Variants in ICA1 observed in about 807,000 individuals in gnomAD.
ICA1 encodes islet cell autoantigen 1.
Under a neutral mutation model 71.0 loss-of-function variants are expected in ICA1, and 40 were observed. The observed-to-expected ratio is 0.56, with a 90% confidence interval of 0.44 to 0.73. The LOEUF is 0.73. ICA1 is among the 30% of genes least tolerant of loss of function. ICA1 has a pLI of 0.00. For missense variants in ICA1, 578 were observed against 576.5 expected, an observed-to-expected ratio of 1.00 and a Z score of -0.03; for synonymous variants, 207 against 209.5, an observed-to-expected ratio of 0.99 and a Z score of 0.10.
chr7:8,113,386 G>C lies in ICA1; in HGVS notation c.*537C>G, dbSNP rs1783774247. The stretch of plus-strand genomic sequence containing the variant: ...TCCTCCACCAGTGTGAGAACACGTG[G>C]CCCACCAGGCACCTGCTGTGGGGAC... On this transcript the variant is annotated 3_prime_UTR_variant, in exon 14 of 14. Transcript: ENST00000402384. The surrounding 1 kb of genome is among the most constrained non-coding windows in gnomAD (Gnocchi z 4.2). The C allele has an allele frequency of 6.5e-6, 1 of 153,156 alleles. No individual in the cohort carries two copies. The highest frequency in any genetic ancestry group is 2.4e-5 in the African/African-American group (1 of 41,436). The allele number at this position is 153,156 out of a possible 1,614,324, so 9.5% of individuals were successfully genotyped here.
chr7:8,234,608 A>G lies in ICA1; in HGVS notation c.17+1302T>C, dbSNP rs772669477. 2.0e-5 allele frequency among the ~76,000 whole-genome samples: 3 copies of G among 152,258 alleles called. No homozygotes were observed. The highest frequency in any genetic ancestry group is 2.9e-5 in the Non-Finnish European group (2 of 68,042). On this transcript the variant is annotated intron_variant, in intron 2 of 13. Coordinates refer to ENST00000402384, the MANE Select transcript of ICA1 (RefSeq NM_001136020.3). This position sits in a 1 kb window ranked among gnomAD's most constrained non-coding sequence, Gnocchi z 4.5. ...TTTACACATTTATTCTTAAAAAGCCAGAAGGCATTTCTGATGACTTCCTTA... is the reference window on the plus strand; with the variant it reads ...TTTACACATTTATTCTTAAAAAGCCGGAAGGCATTTCTGATGACTTCCTTA...
At chr7:8,247,873 CTAAGA>C (rs577806525) in intron 1 of ICA1, among the ~76,000 whole-genome samples, 2 of 152,166 alleles carry the variant, frequency 1.3e-5, no homozygotes, top group African/African-American at 4.8e-5. Context: ...CAGAGTAAAG[CTAAGA>C]TCAGTAGTCA....
intron 9 of ICA1, 185 bp from the exon 10 acceptor site, chr7:8,142,002 A>C (rs1015769697): frequency 1.3e-6 from 2 of 1,494,916 alleles, no homozygotes; most frequent in African/African-American, 2.8e-5. Flanking sequence ...CCCTTTCTGT[A>C]GCATCTTAAT....
At position 8,113,819 on chromosome 7, in the gene ICA1, G is replaced by T; in HGVS notation, c.*104C>A. Reference sequence around the variant, plus strand: ...GTTGACCCTTTCATTTTATTAAAATGGCACATAATTATTAAAACAGCATAC... The same window carrying T: ...GTTGACCCTTTCATTTTATTAAAATTGCACATAATTATTAAAACAGCATAC... On this transcript the variant is annotated 3_prime_UTR_variant, in exon 14 of 14. Coordinates refer to ENST00000402384, the MANE Select transcript of ICA1 (RefSeq NM_001136020.3). The surrounding 1 kb of genome is among the most constrained non-coding windows in gnomAD (Gnocchi z 4.2). 1.7e-6 allele frequency: 2 copies of T among 1,208,384 alleles called. No individual in the cohort carries two copies. Among genetic ancestry groups the T allele is most frequent in the Non-Finnish European group, 2.4e-6 (2 of 829,150 alleles). The allele number at this position is 1,208,384 out of a possible 1,614,324, so 74.9% of individuals were successfully genotyped here.
rs1229333659 is a variant in ICA1, at chr7:8,223,082, T to C, written c.257-1684A>G. Among the ~76,000 whole-genome samples the C allele has an allele frequency of 6.6e-6, 1 of 152,184 alleles. No homozygotes were observed. Among genetic ancestry groups the C allele is most frequent in the East Asian group, 1.9e-4 (1 of 5,200 alleles). ...TCACGCCATGGTTCTATGTAGCTTTTTAAAATTCCTATAATTATAAGAAGG... is the reference window on the plus strand; with the variant it reads ...TCACGCCATGGTTCTATGTAGCTTTCTAAAATTCCTATAATTATAAGAAGG... On this transcript the variant is annotated intron_variant, in intron 4 of 13. Transcript: ENST00000402384. The surrounding 1 kb of genome is among the most constrained non-coding windows in gnomAD (Gnocchi z 4.1).
At chr7:8,219,525 T>C (rs1199343558) in intron 5 of ICA1, among the ~76,000 whole-genome samples, 1 of 152,226 alleles carries the variant, frequency 6.6e-6, no homozygotes, top group Non-Finnish European at 1.5e-5. Flanking sequence ...CCTTTTACTA[T>C]TTCCCCTAGT....
chr7:8,233,277 G>C (rs146619130), intron 2 of ICA1, among the ~76,000 whole-genome samples: 2,150 of 152,320 alleles, frequency 0.014, 15 homozygotes, highest in Middle Eastern at 0.024. Context: ...TGGCAGTTAC[G>C]AGTGGCTAGA....
chr7:8,168,414 A>C (rs796207950), intron 6 of ICA1, among the ~76,000 whole-genome samples: 8 of 152,294 alleles, frequency 5.3e-5, no homozygotes, highest in African/African-American at 1.9e-4. Context: ...CCAGATACTC[A>C]TCTGACAAAT....
chr7:8,220,494 T>A (rs1796711230), intron 5 of ICA1, among the ~76,000 whole-genome samples: 1 of 152,218 alleles, frequency 6.6e-6, no homozygotes, highest in African/African-American at 2.4e-5. Context: ...ACTACCTACA[T>A]TCTGCCTACT....
At position 8,227,627 on chromosome 7, in the gene ICA1, A is replaced by G. The variant is rs757627155; in HGVS notation, c.256+974T>C. The G allele has an allele frequency of 3.5e-5, 12 of 347,310 alleles. 1 individual carries two copies. Among genetic ancestry groups the G allele is most frequent in the Admixed American group, 2.3e-4 (6 of 26,082 alleles). The allele number at this position is 347,310 out of a possible 1,614,324, so 21.5% of individuals were successfully genotyped here. ...TGTCTTTTTTTTTTTTTTTTTTCTA[A>G]GAGATCTCACCTTCTGTCGCCCAGG... On this transcript the variant is annotated intron_variant, in intron 4 of 13. Transcript: ENST00000402384.
At chr7:8,194,370 T>G (rs1321159754) in intron 6 of ICA1, among the ~76,000 whole-genome samples, 1 of 152,236 alleles carries the variant, frequency 6.6e-6, no homozygotes, top group Non-Finnish European at 1.5e-5. Flanking sequence ...TCATGTTTAT[T>G]TATAAAATAA....
intron 6 of ICA1, among the ~76,000 whole-genome samples, chr7:8,193,581 C>G (rs1786417538): frequency 6.6e-6 from 1 of 152,134 alleles, no homozygotes; most frequent in Admixed American, 6.5e-5. Flanking sequence ...AAAGTCAGTC[C>G]TGTTGTCAAA....
intron 6 of ICA1, among the ~76,000 whole-genome samples, chr7:8,180,750 T>C (rs1781958371): frequency 6.6e-6 from 1 of 152,134 alleles, no homozygotes; most frequent in Non-Finnish European, 1.5e-5. Flanking sequence ...CATGAAACCA[T>C]GTTGGCAATT....
intron 1 of ICA1, among the ~76,000 whole-genome samples, chr7:8,245,339 T>C (rs1234221522): frequency 1.4e-5 from 2 of 145,578 alleles, no homozygotes; most frequent in Non-Finnish European, 3.0e-5. Flanking sequence ...ATGTTCTCAC[T>C]CATAGGTGGG....
At chr7:8,201,486 G>C (rs888421513) in intron 6 of ICA1, among the ~76,000 whole-genome samples, 2 of 152,240 alleles carry the variant, frequency 1.3e-5, no homozygotes, top group African/African-American at 4.8e-5. Context: ...CTTTGTCTCA[G>C]GGAGGAAAAG....
intron 6 of ICA1, among the ~76,000 whole-genome samples, chr7:8,200,812 C>G (rs534111507): frequency 3.9e-5 from 6 of 152,332 alleles, no homozygotes; most frequent in African/African-American, 1.4e-4. Flanking sequence ...TCCAGCCAAA[C>G]AGGATAGTTT....
At chr7:8,136,531 A>C (rs1793485558) in intron 12 of ICA1, among the ~76,000 whole-genome samples, 1 of 152,178 alleles carries the variant, frequency 6.6e-6, no homozygotes, top group Non-Finnish European at 1.5e-5. Flanking sequence ...TCTACCGACC[A>C]CGTTAATATT....
At chr7:8,229,320 T>C (rs1799548647) in intron 3 of ICA1, among the ~76,000 whole-genome samples, 1 of 152,122 alleles carries the variant, frequency 6.6e-6, no homozygotes, top group South Asian at 2.1e-4. Context: ...TAGCGGAAAC[T>C]GGGGGATAGG....
rs780835255 is a variant in ICA1, at chr7:8,141,779, G to A, written c.941C>T (p.Ser314Phe). The stretch of plus-strand genomic sequence containing the variant: ...TCAAAACTTACTCTTAAAACTAGAG[G>A]ATTCCTTGCGCTGGTTTTCTTCCTC... Reference protein sequence around the residue: ...SLEEENQRKESSSFKTEDGKS... With the variant: ...SLEEENQRKEFSSFKTEDGKS... The change falls in exon 10 of 14, where the codon TCC (serine) becomes TTC (phenylalanine). Residue 314 changes from serine to phenylalanine, a missense_variant. Transcript: ENST00000402384. 3.8e-6 allele frequency: 6 copies of A among 1,566,498 alleles called. No individual in the cohort carries two copies. Among genetic ancestry groups the A allele is most frequent in the Non-Finnish European group, 5.2e-6 (6 of 1,144,236 alleles).
Sources: gnomAD v4.1 joint callset for allele counts (sites outside exome capture counted in the v4.1 genomes callset) on GRCh38, gnomAD v4.1.1 for gene constraint, Gnocchi (gnomAD v3.1) non-coding constraint, MANE v1.5 for transcripts, NCBI Gene and HGNC (gene_info 2026-07-23, HGNC 2026-07-21) for gene names.